Variants in CDH26 observed in about 807,000 individuals in gnomAD.
CDH26 encodes the protein cadherin 26, also known as cadherin-like protein 26.
Under a neutral mutation model 90.3 loss-of-function variants are expected in CDH26, and 83 were observed. That is an observed-to-expected ratio of 0.92 (90% CI 0.77 to 1.10). The LOEUF (loss-of-function observed/expected upper bound fraction) is 1.10, where lower values mean the gene tolerates loss of function less well. Ranked by LOEUF, CDH26 falls within the 50% of genes least tolerant of loss-of-function variation. The probability of loss-of-function intolerance (pLI) is 0.00; values close to 1 mark genes in which losing one functional copy is unlikely to be tolerated. For synonymous variants in CDH26, 397 were observed against 396.3 expected, an observed-to-expected ratio of 1.00 and a Z score of -0.02; for missense variants, 1,013 against 1,037.6, an observed-to-expected ratio of 0.98 and a Z score of 0.33.
rs760530761 is a variant in CDH26 at position 59,958,733 on chromosome 20, A to T, written c.7A>T (p.Met3Leu). Residue 3 changes from methionine (M) to leucine (L), a missense_variant, in exon 1 of 18, where the codon ATG (methionine) becomes TTG (leucine). Coordinates refer to ENST00000348616, the MANE Select transcript of CDH26 (RefSeq NM_177980.4). MA[M>L]RSGRHPSLLL... ...CTGTCTTGGGTATTCCCATATGGCC[A>T]TGAGATCCGGGAGGCACCCCTCGCT... is the stretch of plus-strand genomic sequence containing the variant. 6.2e-7 allele frequency: 1 copy of T among 1,614,188 alleles called. No homozygotes were observed. The highest frequency in any genetic ancestry group is 8.5e-7 in the Non-Finnish European group (1 of 1,180,024).
chr20:59,989,726 C>G (rs2061505748), intron 9 of CDH26, among the ~76,000 whole-genome samples: 1 of 152,168 alleles, frequency 6.6e-6, no homozygotes, highest in Admixed American at 6.5e-5. Flanking sequence ...TTGCATCTTC[C>G]ATGTGTTCCT....
At chr20:59,976,752 G>T (rs370521992) in intron 4 of CDH26, among the ~76,000 whole-genome samples, 1 of 152,156 alleles carries the variant, frequency 6.6e-6, no homozygotes, top group African/African-American at 2.4e-5. Context: ...TGCGCTAGAC[G>T]TAGGGGCTGC....
At chr20:60,006,820 C>T in intron 17 of CDH26, 33 bp downstream of exon 17, 1 of 1,545,576 alleles carries the variant, frequency 6.5e-7, no homozygotes, top group Non-Finnish European at 8.9e-7. Context: ...TGTGCACTAG[C>T]TATGGGTTTT....
At chr20:59,959,590 G>A (rs1300892682) in intron 1 of CDH26, among the ~76,000 whole-genome samples, 1 of 152,008 alleles carries the variant, frequency 6.6e-6, no homozygotes, top group African/African-American at 2.4e-5. Context: ...ATTAGAGACA[G>A]GGTTTCACCA....
chr20:59,976,605 A>G (rs1481916767), intron 4 of CDH26, among the ~76,000 whole-genome samples: 1 of 152,226 alleles, frequency 6.6e-6, no homozygotes, highest in East Asian at 1.9e-4. Context: ...GAGAATGTAG[A>G]GATGGTGAGT....
In CDH26 at chr20:59,958,632, C is replaced by A; in HGVS notation, c.-95C>A. 8.6e-7 allele frequency: 1 copy of A among 1,162,034 alleles called. No individual in the cohort carries two copies. Among genetic ancestry groups the A allele is most frequent in the Non-Finnish European group, 1.3e-6 (1 of 779,890 alleles). The allele number at this position is 1,162,034 out of a possible 1,614,324, so 72.0% of individuals were successfully genotyped here. On this transcript the variant is annotated 5_prime_UTR_variant, in exon 1 of 18. It adds an upstream start codon to the 5' untranslated region. Transcript: ENST00000348616. ...CTGAAAACCTTTAGAGAAGAAGCTG[C>A]TGGCTGAGAAGGAGGTGTGTGGCTC...
chr20:59,984,143 T>C (rs938389410), intron 5 of CDH26, among the ~76,000 whole-genome samples: 1 of 152,224 alleles, frequency 6.6e-6, no homozygotes, highest in Non-Finnish European at 1.5e-5. Flanking sequence ...ACGAAGATGC[T>C]TGGTGTGTTG....
chr20:60,009,997 C>T (rs1378854780), intron 17 of CDH26, among the ~76,000 whole-genome samples: 1 of 152,146 alleles, frequency 6.6e-6, no homozygotes, highest in African/African-American at 2.4e-5. Context: ...TGACCACAGT[C>T]CCTGAGTAAG....
In CDH26 at chr20:59,958,741, C is replaced by T. The variant is rs764032810; in HGVS notation, c.15C>T (p.Ser5=). The T allele has an allele frequency of 1.5e-5, 24 of 1,614,028 alleles. No homozygotes were observed. Among genetic ancestry groups the T allele is most frequent in the African/African-American group, 2.7e-5 (2 of 74,910 alleles). The change falls in exon 1 of 18, where the codon TCC becomes TCT. Residue 5 remains serine, a synonymous_variant. Transcript: ENST00000348616. The part of the protein sequence containing the change: MAMR[S]GRHPSLLLLL... ...GGTATTCCCATATGGCCATGAGATC[C>T]GGGAGGCACCCCTCGCTGCTGCTGC...
chr20:60,028,440 C>T (rs1407409709), intron 7 of CDH26, among the ~76,000 whole-genome samples: 1 of 152,200 alleles, frequency 6.6e-6, no homozygotes, highest in African/African-American at 2.4e-5. Flanking sequence ...GTAGTAGGCA[C>T]TCTATGTTTA....
rs1491072144 is a variant in CDH26, at chr20:60,026,426, G to GA, written c.948-4805_948-4804insA. ...AGAGAGAGAGAGAGAGAGAGAGAGA[G>GA]GGAGAAGAGGAGGCAGAAGGGAGGT... On this transcript the variant is annotated intron_variant, in intron 7 of 8. Transcript: ENST00000370991. Among the ~76,000 whole-genome samples, 324 of 148,398 alleles carry GA rather than the reference G, an allele frequency of 2.2e-3. 3 individuals carry two copies. Among genetic ancestry groups the GA allele is most frequent in the African/African-American group, 7.4e-3 (297 of 40,116 alleles).
intron 16 of CDH26, among the ~76,000 whole-genome samples, chr20:60,004,765 C>CAAAAA (rs140015980): frequency 5.5e-3 from 240 of 43,756 alleles, no homozygotes; most frequent in Middle Eastern, 0.014. Context: ...GACTCCATCT[C>CAAAAA]AAAAAAAAAA....
rs1407057159 is a variant in CDH26 at position 59,996,771 on chromosome 20, T to G, written c.2019+10T>G. ...AGGCACTTCAGCCCAGGTAGTGGAA[T>G]GTCATGCTTTGTGTCTTATGGCAAG... On this transcript the variant is annotated intron_variant, in intron 13 of 17. Transcript: ENST00000348616. 6.2e-7 allele frequency: 1 copy of G among 1,614,096 alleles called. No homozygotes were observed. The highest frequency in any genetic ancestry group is 8.5e-7 in the Non-Finnish European group (1 of 1,180,044).
At chr20:60,020,640 A>G (rs950178820) in intron 7 of CDH26, among the ~76,000 whole-genome samples, 2 of 152,176 alleles carry the variant, frequency 1.3e-5, no homozygotes, top group Admixed American at 1.3e-4. Context: ...ACTGATCTCC[A>G]GAGCATAACA....
At chr20:59,987,345 CCTT>C (rs2061471633) in intron 7 of CDH26, 105 bp from the exon 8 acceptor site, 1 of 910,392 alleles carries the variant, frequency 1.1e-6, no homozygotes. Context: ...CATTCTTTCT[CCTT>C]CTCTCTCTTG....
chr20:59,964,992 C>A lies in CDH26; in HGVS notation c.70-3975C>A, dbSNP rs73309287. The stretch of plus-strand genomic sequence containing the variant: ...ATTTCTTTATCTTTTGCAAGAACTA[C>A]AATTTTCTCCATTTAAAAATTATAC... On this transcript the variant is annotated intron_variant, in intron 1 of 17. Transcript: ENST00000348616. 4.0e-3 allele frequency among the ~76,000 whole-genome samples: 605 copies of A among 152,286 alleles called. 3 individuals carry two copies. The highest frequency in any genetic ancestry group is 0.014 in the African/African-American group (575 of 41,558).
Position 59,958,441 on chromosome 20 carries a change from G to C in CDH26, c.-286G>C. 1 of 385,726 alleles carries C rather than the reference G, an allele frequency of 2.6e-6. No homozygotes were observed. Among genetic ancestry groups the C allele is most frequent in the Non-Finnish European group, 4.7e-6 (1 of 211,580 alleles). The allele number at this position is 385,726 out of a possible 1,614,324, so 23.9% of individuals were successfully genotyped here. On this transcript the variant is annotated 5_prime_UTR_variant, in exon 1 of 18. Coordinates refer to ENST00000348616, the MANE Select transcript of CDH26 (RefSeq NM_177980.4). The stretch of plus-strand genomic sequence containing the variant: ...AGACCCCAGCCAGTCTTTTGTGTAC[G>C]TGCAGGACCATGGTGGCTTTAGTTT...
chr20:59,996,589 G>A, intron 12 of CDH26, 42 bp from the exon 13 acceptor site: 1 of 1,614,204 alleles, frequency 6.2e-7, no homozygotes, highest in East Asian at 2.2e-5. Context: ...TCTGATATGG[G>A]TGAGCTTGTC....
At chr20:59,977,360 T>C (rs2061339226) in intron 4 of CDH26, among the ~76,000 whole-genome samples, 1 of 152,190 alleles carries the variant, frequency 6.6e-6, no homozygotes. Context: ...CTCCCTTTTC[T>C]GCGACTCTGA....
Sources: allele counts gnomAD v4.1 joint callset (sites outside exome capture counted in the v4.1 genomes callset), GRCh38; gene constraint gnomAD v4.1.1; transcripts MANE v1.5; gene names NCBI Gene and HGNC (gene_info 2026-07-23, HGNC 2026-07-21).